RAPGEF5: variants seen among roughly 807,000 people sequenced by gnomAD.
RAPGEF5 encodes Rap guanine nucleotide exchange factor 5.
Under a neutral mutation model 125.2 loss-of-function variants are expected in RAPGEF5, and 65 were observed. The ratio of observed to expected loss-of-function variants is 0.52; its 90% CI spans 0.43 to 0.64. The LOEUF (loss-of-function observed/expected upper bound fraction) is 0.64. RAPGEF5 is among the 30% of genes least tolerant of loss of function. RAPGEF5 has a pLI of 0.00. For synonymous variants in RAPGEF5, 391 were observed against 385.9 expected, an observed-to-expected ratio of 1.01 and a Z score of -0.16; for missense variants, 958 against 1,048.1, an observed-to-expected ratio of 0.91 and a Z score of 1.19.
chr7:22,222,517 C>A (rs771004249), intron 8 of RAPGEF5, among the ~76,000 whole-genome samples: 1 of 152,082 alleles, frequency 6.6e-6, no homozygotes, highest in Non-Finnish European at 1.5e-5. Flanking sequence ...AGTACAAGGG[C>A]CCTAATGCTC....
In RAPGEF5 at chr7:22,233,610, G is replaced by A. The variant is rs998734385; in HGVS notation, c.797-2691C>T. ...TACAGTTGCACGATCATGCCTCACT[G>A]CATGCTGGACTTCTTGGGCTCAAGC... On this transcript the variant is annotated intron_variant, in intron 7 of 25. Transcript: ENST00000665637. Among the ~76,000 whole-genome samples the A allele has an allele frequency of 7.9e-5, 12 of 152,220 alleles. No individual in the cohort carries two copies. In the Middle Eastern group the frequency reaches 0.01, roughly 129 times the overall value.
intron 7 of RAPGEF5, among the ~76,000 whole-genome samples, chr7:22,251,856 T>C (rs111698391): frequency 6.0e-5 from 9 of 148,812 alleles, no homozygotes; most frequent in African/African-American, 2.2e-4. Context: ...TTAATTTAAA[T>C]ATAAATTGCT....
At chr7:22,303,326 C>CT (rs1013501194) in intron 5 of RAPGEF5, among the ~76,000 whole-genome samples, 12 of 151,602 alleles carry the variant, frequency 7.9e-5, no homozygotes, top group East Asian at 1.9e-4. Context: ...GATTCAGTCA[C>CT]TTTTTTTTTC....
intron 19 of RAPGEF5, 54 bp downstream of exon 19, chr7:22,146,841 CAA>C: frequency 6.4e-7 from 1 of 1,562,822 alleles, no homozygotes; most frequent in Non-Finnish European, 8.7e-7. Flanking sequence ...ATATTCTTCA[CAA>C]AGAATTCACA....
intron 7 of RAPGEF5, 64 bp from the exon 8 acceptor site, chr7:22,230,983 C>G (rs1016158555): frequency 4.8e-6 from 7 of 1,444,930 alleles, no homozygotes; most frequent in Non-Finnish European, 9.5e-7. Context: ...AGATAATTTT[C>G]TTTCAGATCG....
At chr7:22,301,561 G>C (rs1324424244) in intron 5 of RAPGEF5, among the ~76,000 whole-genome samples, 5 of 144,792 alleles carry the variant, frequency 3.5e-5, no homozygotes, top group Non-Finnish European at 7.4e-5. Flanking sequence ...CTTGCAGTAA[G>C]CCGAGATCGT....
intron 22 of RAPGEF5, 151 bp downstream of exon 22, chr7:22,136,782 A>G: frequency 1.5e-6 from 1 of 663,792 alleles, no homozygotes; most frequent in South Asian, 1.9e-5. Flanking sequence ...GCTTCCCTCC[A>G]TAAGAAGCAA....
intron 6 of RAPGEF5, among the ~76,000 whole-genome samples, chr7:22,287,862 G>A (rs1365186924): frequency 6.6e-6 from 1 of 152,162 alleles, no homozygotes; most frequent in African/African-American, 2.4e-5. Context: ...CAACTGTCTA[G>A]TCCAACCACT....
intron 11 of RAPGEF5, among the ~76,000 whole-genome samples, chr7:22,168,109 T>C (rs1378173879): frequency 6.6e-6 from 1 of 152,202 alleles, no homozygotes; most frequent in Admixed American, 6.5e-5. Flanking sequence ...ACTGTTGTTA[T>C]GGACTGAATG....
chr7:22,176,077 C>A (rs1784497667), intron 11 of RAPGEF5, among the ~76,000 whole-genome samples: 2 of 152,130 alleles, frequency 1.3e-5, no homozygotes, highest in South Asian at 2.1e-4. Context: ...GGAGGCCTCA[C>A]AATCACAGTA....
chr7:22,145,242 T>A lies in RAPGEF5; in HGVS notation c.2008-20A>T. 1 of 1,592,674 alleles carries A rather than the reference T, an allele frequency of 6.3e-7. No individual in the cohort carries two copies. The highest frequency in any genetic ancestry group is 8.6e-7 in the Non-Finnish European group (1 of 1,167,498). The stretch of plus-strand genomic sequence containing the variant: ...CTCTTGCTGAAAGAAAATGTATTCA[T>A]GCCAGGGTTTATTTATAGCAAAGTA... On this transcript the variant is annotated intron_variant, in intron 19 of 25. Coordinates refer to ENST00000665637, the MANE Select transcript of RAPGEF5 (RefSeq NM_012294.5).
intron 11 of RAPGEF5, among the ~76,000 whole-genome samples, chr7:22,187,120 C>T (rs1454349233): frequency 1.3e-5 from 2 of 152,124 alleles, no homozygotes; most frequent in African/African-American, 4.8e-5. Context: ...TGAAGTTAGA[C>T]CAAATTTCCT....
At chr7:22,191,480 CA>C (rs1295190435) in intron 11 of RAPGEF5, 14 of 449,116 alleles carry the variant, frequency 3.1e-5, no homozygotes, top group Non-Finnish European at 4.7e-5. Context: ...GTCCCTCCCC[CA>C]AACTCTAAGG....
At chr7:22,165,512 G>T (rs1253249675) in intron 12 of RAPGEF5, among the ~76,000 whole-genome samples, 1 of 152,168 alleles carries the variant, frequency 6.6e-6, no homozygotes, top group African/African-American at 2.4e-5. Context: ...CCACTTGAAA[G>T]CTGTGAAGGA....
chr7:22,288,679 C>T (rs559566288), intron 6 of RAPGEF5, among the ~76,000 whole-genome samples: 168 of 152,116 alleles, frequency 1.1e-3, no homozygotes, highest in Middle Eastern at 3.4e-3. Context: ...CCCGCCACCA[C>T]GCCCAGCTAA....
chr7:22,177,823 C>T (rs1340983227), intron 11 of RAPGEF5, among the ~76,000 whole-genome samples: 4 of 152,136 alleles, frequency 2.6e-5, no homozygotes, highest in Admixed American at 6.6e-5. Flanking sequence ...TATGCTCTCC[C>T]GAGAGTGTGG....
At chr7:22,188,764 CAAAA>C (rs1180031530) in intron 11 of RAPGEF5, among the ~76,000 whole-genome samples, 4 of 51,904 alleles carry the variant, frequency 7.7e-5, no homozygotes, top group African/African-American at 1.3e-4. Context: ...GACTCCGTCT[CAAAA>C]AAAAAAAAAA....
At chr7:22,208,861 C>T (rs752469302) in intron 9 of RAPGEF5, among the ~76,000 whole-genome samples, 17 of 152,184 alleles carry the variant, frequency 1.1e-4, no homozygotes, top group Non-Finnish European at 2.1e-4. Flanking sequence ...AGATATGGAA[C>T]GTAAAGTAGA....
At chr7:22,280,459 G>T (rs1225062302) in intron 6 of RAPGEF5, among the ~76,000 whole-genome samples, 1 of 152,138 alleles carries the variant, frequency 6.6e-6, no homozygotes, top group Non-Finnish European at 1.5e-5. Flanking sequence ...GAAGTGGATG[G>T]AAGATTGAAG....
Sources: gnomAD v4.1 joint callset for allele counts (sites outside exome capture counted in the v4.1 genomes callset) on GRCh38, gnomAD v4.1.1 for gene constraint, MANE v1.5 for transcripts, NCBI Gene and HGNC (gene_info 2026-07-23, HGNC 2026-07-21) for gene names.